PRKCA: variants seen among roughly 807,000 people sequenced by gnomAD.
PRKCA encodes protein kinase C alpha.
Under a neutral mutation model 87.0 loss-of-function variants are expected in PRKCA, and 27 were observed. The observed-to-expected ratio is 0.31, with a 90% confidence interval of 0.23 to 0.43. The LOEUF (loss-of-function observed/expected upper bound fraction) is 0.43. Among genes scored for constraint, PRKCA ranks in the 20% least tolerant of loss-of-function variants. The pLI is 1.00. For missense variants in PRKCA, 518 were observed against 852.3 expected (o/e 0.61, Z 4.88); for synonymous variants, 329 against 311.1 (o/e 1.06, Z -0.61).
chr17:66,397,275 CTTTTTTTTT>C (rs57003663), intron 2 of PRKCA, among the ~76,000 whole-genome samples: 2 of 93,718 alleles, frequency 2.1e-5, no homozygotes, highest in Non-Finnish European at 3.9e-5. Flanking sequence ...CCAGTGTAGA[CTTTTTTTTT>C]TTTTTTTTTT....
intron 2 of PRKCA, among the ~76,000 whole-genome samples, chr17:66,333,636 C>T (rs887840511): frequency 2.0e-5 from 3 of 152,096 alleles, no homozygotes; most frequent in Non-Finnish European, 2.9e-5. Flanking sequence ...GTCTGGGCTA[C>T]GTAAATGGGA....
intron 13 of PRKCA, among the ~76,000 whole-genome samples, chr17:66,753,989 G>T (rs1239194900): frequency 6.6e-6 from 1 of 151,996 alleles, no homozygotes; most frequent in African/African-American, 2.4e-5. Flanking sequence ...TGTGTCAAGG[G>T]GTGGGAAAGA....
chr17:66,590,732 C>G (rs1025495659), intron 3 of PRKCA, among the ~76,000 whole-genome samples: 1 of 152,092 alleles, frequency 6.6e-6, no homozygotes, highest in Non-Finnish European at 1.5e-5. Flanking sequence ...TGCCTATAAT[C>G]CCAGCTACGT....
chr17:66,531,475 T>C (rs537639907), intron 3 of PRKCA, among the ~76,000 whole-genome samples: 1 of 152,320 alleles, frequency 6.6e-6, no homozygotes, highest in African/African-American at 2.4e-5. Context: ...AAACCTGGGC[T>C]GAGAGGCCCT....
intron 16 of PRKCA, among the ~76,000 whole-genome samples, chr17:66,795,686 A>G (rs760029954): frequency 6.6e-6 from 1 of 152,226 alleles, no homozygotes; most frequent in Non-Finnish European, 1.5e-5. Flanking sequence ...TGTGTACATC[A>G]AAGTGTATGA....
At chr17:66,525,457 G>A (rs773198738) in intron 3 of PRKCA, among the ~76,000 whole-genome samples, 2 of 152,196 alleles carry the variant, frequency 1.3e-5, no homozygotes, top group African/African-American at 2.4e-5. Flanking sequence ...TCCACTTAGA[G>A]ACACATTTTT....
chr17:66,498,130 C>T (rs12453130), intron 3 of PRKCA, among the ~76,000 whole-genome samples: 2 of 152,098 alleles, frequency 1.3e-5, no homozygotes, highest in Non-Finnish European at 1.5e-5. Flanking sequence ...TGCCCTCCCC[C>T]CTGCTCCCCG....
intron 2 of PRKCA, among the ~76,000 whole-genome samples, chr17:66,310,604 A>G (rs945011677): frequency 2.0e-5 from 3 of 152,178 alleles, no homozygotes; most frequent in Non-Finnish European, 4.4e-5. Flanking sequence ...AGGTATTTGC[A>G]TTGGCTCATC....
At position 66,336,754 on chromosome 17, in the gene PRKCA, TTGTGTGTGTGTGTGTGTGTGTG is replaced by T. The variant is rs148842588; in HGVS notation, c.205+30655_205+30676del. ...ACATCCTGAACCCCTGCAAATAAGTTTGTGTGTGTGTGTGTGTGTGTGTGTGTGTGTGTGTGTGTGTGTGTGT... is the reference window on the plus strand; with the variant it reads ...ACATCCTGAACCCCTGCAAATAAGTTTGTGTGTGTGTGTGTGTGTGTGTGT... On this transcript the variant is annotated intron_variant, in intron 2 of 16. Coordinates refer to ENST00000413366, the MANE Select transcript of PRKCA (RefSeq NM_002737.3). Among the ~76,000 whole-genome samples the T allele has an allele frequency of 2.8e-4, 37 of 133,732 alleles. 1 individual carries two copies. Among genetic ancestry groups the T allele is most frequent in the Non-Finnish European group, 3.5e-4 (22 of 62,042 alleles). 87.7% of individuals were successfully genotyped at this position (133,732 alleles called of 152,430 possible).
intron 13 of PRKCA, among the ~76,000 whole-genome samples, chr17:66,765,500 ATATATATGTCTT>A: frequency 7.0e-6 from 1 of 143,844 alleles, no homozygotes; most frequent in East Asian, 2.0e-4. Context: ...TTGTCTTTAT[ATATATATGTCTT>A]TATATTTGTC....
intron 8 of PRKCA, among the ~76,000 whole-genome samples, chr17:66,695,220 C>G (rs1279835696): frequency 6.6e-6 from 1 of 152,176 alleles, no homozygotes; most frequent in East Asian, 1.9e-4. Context: ...AGAAATCAAG[C>G]CAGAAGGGCA....
At chr17:66,572,172 A>G (rs1478910391) in intron 3 of PRKCA, among the ~76,000 whole-genome samples, 1 of 152,214 alleles carries the variant, frequency 6.6e-6, no homozygotes, top group Non-Finnish European at 1.5e-5. Flanking sequence ...TTGAGAGGCT[A>G]TAAAGAATAT....
intron 8 of PRKCA, among the ~76,000 whole-genome samples, chr17:66,712,133 CT>C (rs1973346413): frequency 6.6e-6 from 1 of 152,152 alleles, no homozygotes; most frequent in Admixed American, 6.5e-5. Flanking sequence ...CTCTGTGCAA[CT>C]TCTTCCTGTG....
rs764593095 is a variant in PRKCA at position 66,790,005 on chromosome 17, T to C, written c.1854+1026T>C. ...TTGGCCAGCATCAGGCAGCTCCCCATTGTGCCTCTGCCCGGGGACTGCAGA... is the reference window on the plus strand; with the variant it reads ...TTGGCCAGCATCAGGCAGCTCCCCACTGTGCCTCTGCCCGGGGACTGCAGA... On this transcript the variant is annotated intron_variant, in intron 16 of 16. Coordinates refer to ENST00000413366, the MANE Select transcript of PRKCA (RefSeq NM_002737.3). Among the ~76,000 whole-genome samples the C allele has an allele frequency of 2.9e-4, 44 of 152,236 alleles. 1 individual carries two copies. The highest frequency in any genetic ancestry group is 8.8e-5 in the Non-Finnish European group (6 of 68,048).
intron 15 of PRKCA, 136 bp downstream of exon 15, chr17:66,787,110 G>T: frequency 1.2e-6 from 1 of 812,400 alleles, no homozygotes; most frequent in East Asian, 2.4e-5. Flanking sequence ...GAGGGTTGGG[G>T]CTTGGTGTCA....
At chr17:66,570,279 C>T (rs948316943) in intron 3 of PRKCA, among the ~76,000 whole-genome samples, 13 of 152,110 alleles carry the variant, frequency 8.5e-5, no homozygotes, top group Admixed American at 5.9e-4. Context: ...TCCATTCTGA[C>T]GATGGACGGG....
chr17:66,412,144 T>C (rs1022060085), intron 2 of PRKCA, among the ~76,000 whole-genome samples: 2 of 152,064 alleles, frequency 1.3e-5, no homozygotes, highest in African/African-American at 4.8e-5. Flanking sequence ...CGATCACTGC[T>C]CACTGCAGCC....
At chr17:66,430,152 C>T (rs1358486596) in intron 2 of PRKCA, among the ~76,000 whole-genome samples, 1 of 152,116 alleles carries the variant, frequency 6.6e-6, no homozygotes, top group Non-Finnish European at 1.5e-5. Flanking sequence ...CCCTCATCCT[C>T]CTTTTCCATC....
At chr17:66,559,742 C>T (rs1352914775) in intron 3 of PRKCA, among the ~76,000 whole-genome samples, 1 of 152,016 alleles carries the variant, frequency 6.6e-6, no homozygotes, top group South Asian at 2.1e-4. Flanking sequence ...GTCAAAATCC[C>T]AGAACGGTTT....
Sources: allele counts gnomAD v4.1 joint callset (sites outside exome capture counted in the v4.1 genomes callset), GRCh38; gene constraint gnomAD v4.1.1; transcripts MANE v1.5; gene names NCBI Gene and HGNC (gene_info 2026-07-23, HGNC 2026-07-21).